Variants in AGAP1 observed in about 807,000 individuals in gnomAD.
The protein encoded by AGAP1 is arf-GAP with GTPase, ANK repeat and PH domain-containing protein 1.
A neutral mutation model predicts 105.3 loss-of-function variants in AGAP1; 29 were observed. The ratio of observed to expected loss-of-function variants is 0.28; its 90% CI spans 0.21 to 0.38. The LOEUF is 0.38. AGAP1 is among the 10% of genes least tolerant of loss of function. The pLI, the probability that AGAP1 is intolerant of heterozygous loss-of-function variation, is 1.00. For missense variants in AGAP1, 998 were observed against 1,165.1 expected, an observed-to-expected ratio of 0.86 and a Z score of 2.09; for synonymous variants, 509 against 485.9, an observed-to-expected ratio of 1.05 and a Z score of -0.63.
chr2:235,543,108 C>CT (rs1425668558), intron 1 of AGAP1, among the ~76,000 whole-genome samples: 3 of 137,958 alleles, frequency 2.2e-5, no homozygotes, highest in South Asian at 5.2e-4. Flanking sequence ...CCCCCCCCCC[C>CT]GCCCCCTGCC....
intron 9 of AGAP1, among the ~76,000 whole-genome samples, chr2:235,878,913 C>T (rs1258896800): frequency 6.6e-6 from 1 of 152,218 alleles, no homozygotes; most frequent in East Asian, 1.9e-4. Flanking sequence ...TCCTGAGCAG[C>T]CGCCCCTTGG....
intron 1 of AGAP1, among the ~76,000 whole-genome samples, chr2:235,667,164 G>A (rs888820418): frequency 2.0e-5 from 3 of 152,170 alleles, no homozygotes; most frequent in Non-Finnish European, 4.4e-5. Flanking sequence ...CTCCCTCGCT[G>A]TCTTTCTGTG....
chr2:235,907,953 AAAT>A (rs2051387203), intron 10 of AGAP1, among the ~76,000 whole-genome samples: 1 of 152,160 alleles, frequency 6.6e-6, no homozygotes, highest in African/African-American at 2.4e-5. Context: ...TCATTACCAG[AAAT>A]AATAATAATA....
rs1446327660 is a variant in AGAP1 at position 236,113,836 on chromosome 2, G to C, written c.2115-6356G>C. On this transcript the variant is annotated intron_variant, in intron 16 of 17. Coordinates refer to ENST00000304032, the MANE Select transcript of AGAP1 (RefSeq NM_001037131.3). The surrounding 1 kb of genome is among the most constrained non-coding windows in gnomAD (Gnocchi z 4.3). ...GTGCTCAGTGCCTGGCTGTCCCTGT[G>C]GATGGCTTCCTGTCATGGCCCAGAG... 6.6e-6 allele frequency among the ~76,000 whole-genome samples: 1 copy of C among 152,164 alleles called. No homozygotes were observed. Among genetic ancestry groups the C allele is most frequent in the Non-Finnish European group, 1.5e-5 (1 of 68,038 alleles).
At chr2:236,099,278 C>T (rs6724548) in intron 16 of AGAP1, among the ~76,000 whole-genome samples, 1,838 of 151,866 alleles carry the variant, frequency 0.012, 38 homozygotes, top group African/African-American at 0.042. Flanking sequence ...GGGTGAAACC[C>T]CATCTCTACT....
rs758851981 is a variant in AGAP1 at position 235,971,689 on chromosome 2, CAA to C, written c.1645+3079_1645+3080del. Among the ~76,000 whole-genome samples, 3 of 113,630 alleles carry C rather than the reference CAA, an allele frequency of 2.6e-5. No homozygotes were observed. The highest frequency in any genetic ancestry group is 3.3e-5 in the African/African-American group (1 of 30,526). The allele number at this position is 113,630 out of a possible 152,430, so 74.5% of individuals were successfully genotyped here. A position where few individuals can be genotyped will look rare whatever the true frequency, so the allele number is the denominator to read the frequency against. ...TGGGCGACAGAGTGAGACTCCGTCTCAAAAAAAAAAAAAATCTGTTCTTGAAA... is the reference window on the plus strand; with the variant it reads ...TGGGCGACAGAGTGAGACTCCGTCTCAAAAAAAAAAAATCTGTTCTTGAAA... On this transcript the variant is annotated intron_variant, in intron 13 of 17. Transcript: ENST00000304032. The surrounding 1 kb of genome is among the most constrained non-coding windows in gnomAD (Gnocchi z 4.8).
In AGAP1 at chr2:236,096,136, A is replaced by G. The variant is rs1468183826; in HGVS notation, c.2115-24056A>G. Among the ~76,000 whole-genome samples, 1 of 152,220 alleles carries G rather than the reference A, an allele frequency of 6.6e-6. No homozygotes were observed. Among genetic ancestry groups the G allele is most frequent in the Non-Finnish European group, 1.5e-5 (1 of 68,046 alleles). Reference sequence around the variant, plus strand: ...CTATGTATCTTACCCTACCATGTGCATAGCTGTTTTTCATCCAGTAGGTAA... The same window carrying G: ...CTATGTATCTTACCCTACCATGTGCGTAGCTGTTTTTCATCCAGTAGGTAA... On this transcript the variant is annotated intron_variant, in intron 16 of 17. Transcript: ENST00000304032. This position sits in a 1 kb window ranked among gnomAD's most constrained non-coding sequence, Gnocchi z 4.4.
At chr2:235,834,278 G>A (rs917982373) in intron 9 of AGAP1, among the ~76,000 whole-genome samples, 2 of 152,182 alleles carry the variant, frequency 1.3e-5, no homozygotes, top group African/African-American at 4.8e-5. Context: ...ATGTTCTTCC[G>A]CATAGTATGA....
In AGAP1 at chr2:236,040,650, C is replaced by T. The variant is rs1227254408; in HGVS notation, c.1801-101C>T. ...TTGTTTAGAAATTACCCTCGTCCTA[C>T]ATTTGCTCCCAATCTGTTTGATCTT... On this transcript the variant is annotated intron_variant, in intron 14 of 17. Coordinates refer to ENST00000304032, the MANE Select transcript of AGAP1 (RefSeq NM_001037131.3). The surrounding 1 kb of genome is among the most constrained non-coding windows in gnomAD (Gnocchi z 5.6). 3.0e-6 allele frequency: 3 copies of T among 1,005,660 alleles called. No homozygotes were observed. Among genetic ancestry groups the T allele is most frequent in the Non-Finnish European group, 4.4e-6 (3 of 680,440 alleles). The allele number at this position is 1,005,660 out of a possible 1,614,324, so 62.3% of individuals were successfully genotyped here. A position where few individuals can be genotyped will look rare whatever the true frequency, so the allele number is the denominator to read the frequency against.
At chr2:235,693,288 GGTA>G in intron 1 of AGAP1, among the ~76,000 whole-genome samples, 1 of 152,176 alleles carries the variant, frequency 6.6e-6, no homozygotes, top group Non-Finnish European at 1.5e-5. Flanking sequence ...TAGGAGCTGG[GGTA>G]GTACTCAAAG....
rs2057463874 is a variant in AGAP1 at position 236,038,907 on chromosome 2, TGGGTATCTA to T, written c.1801-1843_1801-1835del. 6.6e-6 allele frequency among the ~76,000 whole-genome samples: 1 copy of T among 152,104 alleles called. No homozygotes were observed. Among genetic ancestry groups the T allele is most frequent in the Admixed American group, 6.6e-5 (1 of 15,252 alleles). Reference sequence around the variant, plus strand: ...ACTGTTTAAACATATTTTGAATACTTGGGTATCTAACCAAAGGGAATTAAAATTCAATAA... The same window carrying T: ...ACTGTTTAAACATATTTTGAATACTTACCAAAGGGAATTAAAATTCAATAA... On this transcript the variant is annotated intron_variant, in intron 14 of 17. Coordinates refer to ENST00000304032, the MANE Select transcript of AGAP1 (RefSeq NM_001037131.3). This position sits in a 1 kb window ranked among gnomAD's most constrained non-coding sequence, Gnocchi z 4.5.
At chr2:235,986,161 G>A (rs983642929) in intron 13 of AGAP1, among the ~76,000 whole-genome samples, 10 of 151,860 alleles carry the variant, frequency 6.6e-5, no homozygotes, top group South Asian at 2.1e-4. Context: ...GTGGTTTGTC[G>A]TTCTCCTTGC....
intron 3 of AGAP1, among the ~76,000 whole-genome samples, chr2:235,735,814 A>G (rs1325036758): frequency 6.6e-6 from 1 of 152,194 alleles, no homozygotes; most frequent in East Asian, 1.9e-4. Flanking sequence ...AACCCTGAAC[A>G]CTTGCCTTGG....
chr2:235,627,655 G>T (rs1234574626), intron 1 of AGAP1, among the ~76,000 whole-genome samples: 5 of 152,094 alleles, frequency 3.3e-5, no homozygotes, highest in Non-Finnish European at 7.3e-5. Flanking sequence ...TGATTTTGGG[G>T]TCTGTGTCCC....
Position 235,549,779 on chromosome 2 carries a change from T to G in AGAP1, c.163+54930T>G, listed in dbSNP as rs145913766. 4.6e-5 allele frequency among the ~76,000 whole-genome samples: 7 copies of G among 152,334 alleles called. No individual in the cohort carries two copies. The highest frequency in any genetic ancestry group is 2.6e-4 in the Admixed American group (4 of 15,310). On this transcript the variant is annotated intron_variant, in intron 1 of 17. Transcript: ENST00000304032. The surrounding 1 kb of genome is among the most constrained non-coding windows in gnomAD (Gnocchi z 4.2). Reference sequence around the variant, plus strand: ...GAACTGTTTACACCTCTCAGGATTCTTACTCTAACAAACAGGTATAGACAA... The same window carrying G: ...GAACTGTTTACACCTCTCAGGATTCGTACTCTAACAAACAGGTATAGACAA...
intron 4 of AGAP1, among the ~76,000 whole-genome samples, chr2:235,742,725 G>T (rs890437294): frequency 7.2e-5 from 11 of 152,218 alleles, no homozygotes; most frequent in African/African-American, 1.9e-4. Context: ...GGAGAAAGAA[G>T]TAGGTAACAT....
At chr2:236,041,280 T>TC (rs397988333) in intron 15 of AGAP1, among the ~76,000 whole-genome samples, 3 of 148,466 alleles carry the variant, frequency 2.0e-5, no homozygotes, top group Non-Finnish European at 4.5e-5. Context: ...TTTTTTTTTT[T>TC]CATAAAAATA....
chr2:235,790,272 C>T (rs963384356), intron 6 of AGAP1, among the ~76,000 whole-genome samples: 2 of 152,144 alleles, frequency 1.3e-5, no homozygotes, highest in African/African-American at 2.4e-5. Context: ...ATTTTGGTAG[C>T]TTAGAATCAT....
intron 6 of AGAP1, among the ~76,000 whole-genome samples, chr2:235,770,129 G>GTTTATTTTTTTT (rs1955311191): frequency 1.0e-5 from 1 of 97,312 alleles, no homozygotes; most frequent in Non-Finnish European, 2.4e-5. Context: ...TTCTTTCTTT[G>GTTTATTTTTTTT]TTTCTTTTTT....
Sources: gnomAD v4.1 joint callset for allele counts (sites outside exome capture counted in the v4.1 genomes callset) on GRCh38, gnomAD v4.1.1 for gene constraint, Gnocchi (gnomAD v3.1) non-coding constraint, MANE v1.5 for transcripts, NCBI Gene and HGNC (gene_info 2026-07-23, HGNC 2026-07-21) for gene names.